CSMD1: variants seen among roughly 807,000 people sequenced by gnomAD.
CSMD1 encodes CUB and sushi domain-containing protein 1.
CSMD1 carries 213 observed loss-of-function variants against 417.5 expected under a neutral mutation model. That is an observed-to-expected ratio of 0.51 (90% CI 0.46 to 0.57). The LOEUF is 0.57. Ranked by LOEUF, CSMD1 falls within the 20% of genes least tolerant of loss-of-function variation. The pLI, the probability that CSMD1 is intolerant of heterozygous loss-of-function variation, is 0.00. For missense variants in CSMD1, 6,923 were observed against 4,529.7 expected (o/e 1.53, Z -15.17); for synonymous variants, 2,862 against 1,736.8 (o/e 1.65, Z -16.11).
rs147060959 is a variant in CSMD1 at position 4,717,454 on chromosome 8, CTA to C, written c.86-79898_86-79897del. On this transcript the variant is annotated intron_variant, in intron 1 of 69. Coordinates refer to ENST00000635120, the MANE Select transcript of CSMD1 (RefSeq NM_033225.6). ...CACATACACTATATATATACACACA[CTA>C]TATATATATATATACACACACACCC... 7.6e-3 allele frequency among the ~76,000 whole-genome samples: 1,117 copies of C among 146,966 alleles called. 12 individuals are homozygous for C. The highest frequency in any genetic ancestry group is 0.05 in the South Asian group (232 of 4,666).
intron 5 of CSMD1, among the ~76,000 whole-genome samples, chr8:3,876,804 G>T (rs561405182): frequency 3.9e-5 from 6 of 152,214 alleles, no homozygotes; most frequent in African/African-American, 1.4e-4. Context: ...TAGAAACGAG[G>T]TTTCACCATG....
chr8:3,732,996 T>C (rs921221517), intron 6 of CSMD1, among the ~76,000 whole-genome samples: 1 of 152,066 alleles, frequency 6.6e-6, no homozygotes, highest in Admixed American at 6.6e-5. Context: ...CCTACCTACC[T>C]AAAGATACGT....
intron 7 of CSMD1, among the ~76,000 whole-genome samples, chr8:3,700,119 TG>T (rs1380732124): frequency 6.6e-6 from 1 of 151,502 alleles, no homozygotes; most frequent in South Asian, 2.1e-4. Context: ...AGAGTGGGAG[TG>T]GGGCGAGGGA....
At chr8:3,425,386 C>G (rs117934937) in intron 12 of CSMD1, among the ~76,000 whole-genome samples, 5,360 of 151,680 alleles carry the variant, frequency 0.035, 180 homozygotes, top group East Asian at 0.1. Context: ...TCAAGAGATC[C>G]AGACCATCGT....
chr8:4,181,176 A>G (rs1235173274), intron 3 of CSMD1, among the ~76,000 whole-genome samples: 1 of 152,110 alleles, frequency 6.6e-6, no homozygotes, highest in Admixed American at 6.6e-5. Flanking sequence ...GTAAATGAGA[A>G]AGCATTGAAT....
At chr8:4,812,948 A>C (rs1383786100) in intron 1 of CSMD1, among the ~76,000 whole-genome samples, 1 of 152,212 alleles carries the variant, frequency 6.6e-6, no homozygotes, top group African/African-American at 2.4e-5. Flanking sequence ...TCTTGACAAA[A>C]ATGTAAGAAT....
chr8:3,129,938 G>A (rs909370113), intron 41 of CSMD1, among the ~76,000 whole-genome samples: 3 of 151,902 alleles, frequency 2.0e-5, no homozygotes, highest in South Asian at 4.2e-4. Flanking sequence ...CCGAGATCGC[G>A]CCACTGCACT....
chr8:3,158,770 C>T (rs895525362), intron 38 of CSMD1, among the ~76,000 whole-genome samples: 2 of 152,000 alleles, frequency 1.3e-5, no homozygotes, highest in African/African-American at 2.4e-5. Context: ...GATCGTGACT[C>T]GGTGGCCTTA....
At chr8:3,024,949 GCCCTAAAACTGTGTATTGTGTGGTGTTA>G (rs1365955502) in intron 51 of CSMD1, among the ~76,000 whole-genome samples, 2 of 151,172 alleles carry the variant, frequency 1.3e-5, no homozygotes, top group East Asian at 2.0e-4. Context: ...GGATACACGT[GCCCTAAAACTGTGTATTGTGTGGTGTTA>G]TTCTAAAACT....
chr8:3,290,054 GT>G (rs767195615), intron 25 of CSMD1, among the ~76,000 whole-genome samples: 4 of 147,142 alleles, frequency 2.7e-5, no homozygotes, highest in East Asian at 2.0e-4. Context: ...TGGCTAGCCA[GT>G]TTTCCCAGCA....
At chr8:3,834,628 T>C (rs947636066) in intron 5 of CSMD1, among the ~76,000 whole-genome samples, 1 of 152,166 alleles carries the variant, frequency 6.6e-6, no homozygotes, top group Non-Finnish European at 1.5e-5. Flanking sequence ...AGAGAGTTCT[T>C]TGAGTCTTTT....
intron 25 of CSMD1, among the ~76,000 whole-genome samples, chr8:3,286,927 G>C (rs1229584828): frequency 6.6e-6 from 1 of 152,026 alleles, no homozygotes; most frequent in South Asian, 2.1e-4. Flanking sequence ...GTATTGCTTA[G>C]GTTTTCTTCT....
At chr8:3,820,391 T>G (rs997658909) in intron 5 of CSMD1, among the ~76,000 whole-genome samples, 3 of 152,148 alleles carry the variant, frequency 2.0e-5, no homozygotes, top group Admixed American at 2.0e-4. Flanking sequence ...AAAGAAGGAC[T>G]AAAAGTGAGT....
chr8:4,754,512 C>A (rs1585046927), intron 1 of CSMD1, among the ~76,000 whole-genome samples: 1 of 151,820 alleles, frequency 6.6e-6, no homozygotes, highest in Non-Finnish European at 1.5e-5. Flanking sequence ...TAAATGCACT[C>A]CCAAAATTAG....
intron 5 of CSMD1, among the ~76,000 whole-genome samples, chr8:3,830,597 G>A (rs1296084844): frequency 6.6e-6 from 1 of 152,122 alleles, no homozygotes; most frequent in Admixed American, 6.6e-5. Context: ...TTGTTTGCAA[G>A]CAACACTGGC....
chr8:3,779,933 C>G (rs1302254466), intron 5 of CSMD1, among the ~76,000 whole-genome samples: 1 of 152,128 alleles, frequency 6.6e-6, no homozygotes, highest in Admixed American at 6.6e-5. Flanking sequence ...CTTGTCTTAA[C>G]CTTTAAATTG....
intron 3 of CSMD1, among the ~76,000 whole-genome samples, chr8:4,383,112 T>G (rs768808792): frequency 3.9e-5 from 6 of 152,168 alleles, no homozygotes; most frequent in Non-Finnish European, 7.3e-5. Context: ...ATTATGGGCT[T>G]TCCTGTGTAT....
At chr8:3,123,334 T>G (rs1054992497) in intron 41 of CSMD1, among the ~76,000 whole-genome samples, 1 of 152,174 alleles carries the variant, frequency 6.6e-6, no homozygotes, top group African/African-American at 2.4e-5. Context: ...TGAAAGCCAC[T>G]GCCAAATGGC....
At chr8:4,753,994 A>G (rs1171056337) in intron 1 of CSMD1, among the ~76,000 whole-genome samples, 1 of 152,204 alleles carries the variant, frequency 6.6e-6, no homozygotes, top group Non-Finnish European at 1.5e-5. Flanking sequence ...AAGAGTAAAA[A>G]TAGTCTGCCC....
Sources: gnomAD v4.1 joint callset for allele counts (sites outside exome capture counted in the v4.1 genomes callset) on GRCh38, gnomAD v4.1.1 for gene constraint, MANE v1.5 for transcripts, NCBI Gene and HGNC (gene_info 2026-07-23, HGNC 2026-07-21) for gene names.